SH3RF1: variants seen among roughly 807,000 people sequenced by gnomAD.
The protein encoded by SH3RF1 is SH3 domain containing ring finger 1, also known as E3 ubiquitin-protein ligase SH3RF1.
In SH3RF1, 32 loss-of-function variants were observed where a neutral mutation model predicts 74.0. The observed-to-expected ratio is 0.43, with a 90% CI of 0.33 to 0.58. The LOEUF is 0.58. SH3RF1 is among the 20% of genes least tolerant of loss of function. The pLI is 0.05. For missense variants in SH3RF1, 954 were observed against 1,130.9 expected (o/e 0.84, Z 2.24); for synonymous variants, 396 against 439.6 (o/e 0.90, Z 1.24).
At chr4:169,216,909 G>C (rs1452282477) in intron 2 of SH3RF1, among the ~76,000 whole-genome samples, 8 of 151,548 alleles carry the variant, frequency 5.3e-5, no homozygotes, top group Admixed American at 5.3e-4. Flanking sequence ...CTAGCACTTT[G>C]GGAGGCCGAG....
In SH3RF1 at chr4:169,130,681, G is replaced by A. The variant is rs140551094; in HGVS notation, c.1069-525C>T. Reference sequence around the variant, plus strand: ...AATTAAAATGCAGCTGCCTAGACATGCTTAGAGCGGGCAATTACTTATAAA... The same window carrying A: ...AATTAAAATGCAGCTGCCTAGACATACTTAGAGCGGGCAATTACTTATAAA... On this transcript the variant is annotated intron_variant, in intron 5 of 11. Coordinates refer to ENST00000284637, the MANE Select transcript of SH3RF1 (RefSeq NM_020870.4). Among the ~76,000 whole-genome samples the A allele has an allele frequency of 8.9e-3, 1,356 of 152,304 alleles. 8 individuals carry two copies. Among genetic ancestry groups the A allele is most frequent in the Non-Finnish European group, 0.012 (783 of 68,034 alleles).
At chr4:169,240,501 C>T (rs181321080) in intron 2 of SH3RF1, among the ~76,000 whole-genome samples, 5 of 152,246 alleles carry the variant, frequency 3.3e-5, no homozygotes, top group African/African-American at 9.6e-5. Context: ...ATCTGGCCCC[C>T]TTCACTTAAT....
chr4:169,119,788 C>T (rs970921144), intron 8 of SH3RF1, among the ~76,000 whole-genome samples: 28 of 152,064 alleles, frequency 1.8e-4, no homozygotes, highest in African/African-American at 6.8e-4. Context: ...GTTCATTAAG[C>T]TATTTGTTTA....
intron 11 of SH3RF1, among the ~76,000 whole-genome samples, chr4:169,102,922 T>TTA (rs1460187094): frequency 8.0e-6 from 1 of 125,030 alleles, no homozygotes; most frequent in Non-Finnish European, 1.7e-5. Context: ...ATTCTTTTTT[T>TTA]TTTTTTTTTT....
At chr4:169,171,710 T>C (rs186102870) in intron 2 of SH3RF1, among the ~76,000 whole-genome samples, 1 of 152,290 alleles carries the variant, frequency 6.6e-6, no homozygotes, top group Admixed American at 6.5e-5. Flanking sequence ...AAGTGAAAAC[T>C]ATAACAATTA....
intron 4 of SH3RF1, among the ~76,000 whole-genome samples, chr4:169,146,471 A>G (rs1733896488): frequency 6.6e-6 from 1 of 151,686 alleles, no homozygotes; most frequent in Admixed American, 6.6e-5. Context: ...CTTGTGATCC[A>G]CCTGCCTCAG....
At chr4:169,255,915 G>A (rs1002108639) in intron 2 of SH3RF1, among the ~76,000 whole-genome samples, 3 of 151,874 alleles carry the variant, frequency 2.0e-5, no homozygotes, top group African/African-American at 4.8e-5. Context: ...GAGCAGGCAC[G>A]AGCCACCATG....
intron 4 of SH3RF1, among the ~76,000 whole-genome samples, chr4:169,144,053 G>C (rs1409024726): frequency 1.3e-5 from 2 of 152,140 alleles, no homozygotes; most frequent in African/African-American, 4.8e-5. Context: ...ATCTTGGGTG[G>C]ACCACATAAA....
chr4:169,180,236 G>A (rs536211213), intron 2 of SH3RF1, among the ~76,000 whole-genome samples: 2 of 145,672 alleles, frequency 1.4e-5, no homozygotes, highest in Admixed American at 1.4e-4. Context: ...GATTACCCAC[G>A]AAGAATAAAG....
chr4:169,096,579 G>A lies in SH3RF1; in HGVS notation c.2607C>T (p.Gly869=). Reference sequence around the variant, plus strand: ...CAGTTTTCCCATTACGTTGTAATGTGCCTTTGAACCAGCCATCCTCTCGTT... The same window carrying A: ...CAGTTTTCCCATTACGTTGTAATGTACCTTTGAACCAGCCATCCTCTCGTT... ...HKKREDGWFK[G]TLQRNGKTGL... The change falls in exon 12 of 12, where the codon GGC becomes GGT. Residue 869 remains glycine, a synonymous_variant. Transcript: ENST00000284637. 1 of 1,614,124 alleles carries A rather than the reference G, an allele frequency of 6.2e-7. No homozygotes were observed.
chr4:169,124,476 G>A (rs1733493104), intron 6 of SH3RF1, among the ~76,000 whole-genome samples: 2 of 152,138 alleles, frequency 1.3e-5, no homozygotes, highest in South Asian at 4.1e-4. Flanking sequence ...ATTAAGATAT[G>A]GCATCAAAGA....
At chr4:169,169,444 A>G (rs1309260020) in intron 2 of SH3RF1, among the ~76,000 whole-genome samples, 1 of 152,056 alleles carries the variant, frequency 6.6e-6, no homozygotes, top group Non-Finnish European at 1.5e-5. Context: ...TAAAAATTAA[A>G]AAGTTAGCCA....
intron 2 of SH3RF1, among the ~76,000 whole-genome samples, chr4:169,168,846 CT>C (rs1204147319): frequency 6.6e-6 from 1 of 152,090 alleles, no homozygotes; most frequent in African/African-American, 2.4e-5. Flanking sequence ...TCCTTTGTTT[CT>C]TAGGGGTGGA....
intron 2 of SH3RF1, among the ~76,000 whole-genome samples, chr4:169,169,188 A>G (rs1236034743): frequency 1.3e-5 from 2 of 152,242 alleles, no homozygotes; most frequent in Non-Finnish European, 2.9e-5. Context: ...CAATTACTTC[A>G]GGAAAATATC....
chr4:169,195,097 T>TA, intron 2 of SH3RF1, among the ~76,000 whole-genome samples: 1 of 152,246 alleles, frequency 6.6e-6, no homozygotes, highest in East Asian at 1.9e-4. Flanking sequence ...TTCCTTTAGC[T>TA]AAAGTCTGTT....
At chr4:169,268,307 G>A (rs1006041373) in intron 2 of SH3RF1, among the ~76,000 whole-genome samples, 1 of 152,158 alleles carries the variant, frequency 6.6e-6, no homozygotes, top group African/African-American at 2.4e-5. Flanking sequence ...GCCATGATTT[G>A]TTAAGAATTC....
In SH3RF1 at chr4:169,096,416, T is replaced by C. The variant is rs981795515; in HGVS notation, c.*103A>G. 27 of 1,264,078 alleles carry C rather than the reference T, an allele frequency of 2.1e-5. No individual in the cohort carries two copies. In the South Asian group the frequency reaches 3.6e-4, roughly 17 times the overall value. The allele number at this position is 1,264,078 out of a possible 1,614,324, so 78.3% of individuals were successfully genotyped here. ...GAGTCACATACCAATCCTTTGCTCA[T>C]CTCCTGACCATCTGGAAGTCCACAA... On this transcript the variant is annotated 3_prime_UTR_variant, in exon 12 of 12. Transcript: ENST00000284637.
chr4:169,178,281 T>TAAATAAGCAACTATGCTTATTTTAAA (rs1734453926), intron 2 of SH3RF1, among the ~76,000 whole-genome samples: 2 of 114,022 alleles, frequency 1.8e-5, no homozygotes, highest in African/African-American at 7.6e-5. Context: ...AATTTTTTTT[T>TAAATAAGCAACTATGCTTATTTTAAA]AAATAAGCAA....
intron 2 of SH3RF1, among the ~76,000 whole-genome samples, chr4:169,158,311 AGAGAACAG>A (rs1734094710): frequency 1.3e-5 from 2 of 152,212 alleles, no homozygotes; most frequent in African/African-American, 4.8e-5. Flanking sequence ...AATGAATGAA[AGAGAACAG>A]TAAGGGCATT....
Sources: allele counts gnomAD v4.1 joint callset (sites outside exome capture counted in the v4.1 genomes callset), GRCh38; gene constraint gnomAD v4.1.1; transcripts MANE v1.5; gene names NCBI Gene and HGNC (gene_info 2026-07-23, HGNC 2026-07-21).